Variants in CEP89 observed in about 807,000 individuals in gnomAD.
CEP89 encodes the protein centrosomal protein of 89 kDa.
In CEP89, 95 loss-of-function variants were observed where a neutral mutation model predicts 97.6. The observed-to-expected ratio is 0.97, with a 90% CI of 0.82 to 1.15. The LOEUF (loss-of-function observed/expected upper bound fraction) is 1.15, where lower values mean the gene tolerates loss of function less well. Ranked by LOEUF, CEP89 falls within the 50% of genes most tolerant of loss-of-function variation. The pLI, the probability that CEP89 is intolerant of heterozygous loss-of-function variation, is 0.00. For missense variants in CEP89, 869 were observed against 947.7 expected, an observed-to-expected ratio of 0.92 and a Z score of 1.09; for synonymous variants, 354 against 349.1, an observed-to-expected ratio of 1.01 and a Z score of -0.16.
chr19:32,914,443 A>AT (rs567475462), intron 14 of CEP89, among the ~76,000 whole-genome samples: 180 of 151,138 alleles, frequency 1.2e-3, no homozygotes, highest in African/African-American at 4.2e-3. Context: ...TATTATTATT[A>AT]TTTTTTTTGG....
intron 13 of CEP89, among the ~76,000 whole-genome samples, chr19:32,915,944 T>A (rs1415836057): frequency 1.4e-5 from 2 of 147,988 alleles, no homozygotes; most frequent in Non-Finnish European, 3.0e-5. Context: ...AAAAGATATT[T>A]TGGAGTGTTA....
chr19:32,927,795 G>C (rs1970392103), intron 9 of CEP89, among the ~76,000 whole-genome samples: 2 of 149,996 alleles, frequency 1.3e-5, no homozygotes, highest in Admixed American at 1.3e-4. Context: ...TGTAGAAATG[G>C]GGTTTCACCA....
chr19:32,922,756 G>A lies in CEP89; in HGVS notation c.1268+683C>T, dbSNP rs112166582. On this transcript the variant is annotated intron_variant, in intron 12 of 18. Coordinates refer to ENST00000305768, the MANE Select transcript of CEP89 (RefSeq NM_032816.5). ...CCAGCTACTCAGGAGGCTGAGGCAG[G>A]AGAATCGCTTGAATCCAGGAAGCAG... Among the ~76,000 whole-genome samples the A allele has an allele frequency of 4.6e-3, 701 of 151,948 alleles. 6 individuals carry two copies. The highest frequency in any genetic ancestry group is 0.016 in the African/African-American group (650 of 41,460).
intron 14 of CEP89, among the ~76,000 whole-genome samples, chr19:32,910,300 A>C (rs1373653720): frequency 1.1e-5 from 1 of 87,292 alleles, no homozygotes; most frequent in Non-Finnish European, 2.4e-5. Flanking sequence ...CGAGAGAGAG[A>C]GGGAGGGAGG....
Position 32,923,529 on chromosome 19 carries a change from A to G in CEP89, c.1178T>C (p.Met393Thr), listed in dbSNP as rs754834740. Residue 393 changes from methionine to threonine, a missense_variant, in exon 12 of 19, where the codon ATG (methionine) becomes ACG (threonine). Transcript: ENST00000305768. The stretch of plus-strand genomic sequence containing the variant: ...CACTTCTTGGACTCGCATCCTAAAC[A>G]TTCTCATTTCCTCCTGAAATAAAAT... ...LNATLKEEMR[M>T]FRMRVQEVVK... 2 of 1,591,514 alleles carry G rather than the reference A, an allele frequency of 1.3e-6. No individual in the cohort carries two copies. The highest frequency in any genetic ancestry group is 2.2e-5 in the East Asian group (1 of 44,670).
intron 12 of CEP89, 78 bp from the exon 13 acceptor site, chr19:32,918,417 A>G: frequency 9.9e-7 from 1 of 1,008,280 alleles, no homozygotes; most frequent in Non-Finnish European, 1.6e-6. Context: ...TCTAAAAGGA[A>G]GCAATGGCTG....
chr19:32,960,072 C>T lies in CEP89; in HGVS notation c.147-14G>A, dbSNP rs141498507. On this transcript the variant is annotated splice_polypyrimidine_tract_variant and intron_variant, in intron 2 of 18. Coordinates refer to ENST00000305768, the MANE Select transcript of CEP89 (RefSeq NM_032816.5). ...GCCAGAGCAGATCTGCGGACAAAAA[C>T]ATCCCATGGAGACAGTGAGACATGA... The T allele has an allele frequency of 2.1e-4, 333 of 1,613,892 alleles. No individual in the cohort carries two copies. In the African/African-American group the frequency reaches 4.1e-3, roughly 20 times the overall value.
chr19:32,879,884 T>C (rs1969244408), intron 18 of CEP89, among the ~76,000 whole-genome samples: 1 of 152,052 alleles, frequency 6.6e-6, no homozygotes, highest in Non-Finnish European at 1.5e-5. Flanking sequence ...GGTCTTCCGC[T>C]CCATACAGCC....
At chr19:32,902,046 ATG>A (rs1188192337) in intron 14 of CEP89, among the ~76,000 whole-genome samples, 655 of 59,134 alleles carry the variant, frequency 0.011, 6 homozygotes, top group African/African-American at 0.038. Flanking sequence ...GTGTGTGTGT[ATG>A]TGTGTGTATA....
intron 16 of CEP89, among the ~76,000 whole-genome samples, chr19:32,899,137 T>TC (rs1969708747): frequency 6.6e-6 from 1 of 151,772 alleles, no homozygotes; most frequent in East Asian, 1.9e-4. Flanking sequence ...TAGCATTTTT[T>TC]TTTTTTTTTT....
In CEP89 at chr19:32,931,618, T is replaced by G. The variant is rs2145928601; in HGVS notation, c.887-47A>C. The G allele has an allele frequency of 2.8e-6, 4 of 1,433,226 alleles. No homozygotes were observed. In the East Asian group the frequency reaches 9.9e-5, roughly 36 times the overall value. 88.8% of individuals were successfully genotyped at this position (1,433,226 alleles called of 1,614,324 possible). A position where few individuals can be genotyped will look rare whatever the true frequency, so the allele number is the denominator to read the frequency against. On this transcript the variant is annotated intron_variant, in intron 8 of 18. Transcript: ENST00000305768. ...TATACTATAAGAAATAACATCCAAT[T>G]TATCCAGATTTTATTAAATTGCAAA...
chr19:32,917,561 T>C (rs1022356171), intron 13 of CEP89, among the ~76,000 whole-genome samples: 2 of 152,240 alleles, frequency 1.3e-5, no homozygotes, highest in Non-Finnish European at 2.9e-5. Context: ...GCCTATGCCA[T>C]TCTTCACTAA....
chr19:32,915,466 T>A lies in CEP89; in HGVS notation c.1436A>T (p.Gln479Leu), dbSNP rs775482666. Residue 479 changes from glutamine to leucine, a missense_variant, in exon 14 of 19, where the codon CAG (glutamine) becomes CTG (leucine). Transcript: ENST00000305768. ...CCTGTTCTCCGCCAGCTCCTTTTCC[T>A]GGCCGTGGGTTTTTGCCTCCAGGAG... Reference protein sequence around the residue: ...LMLLEAKTHGQEKELAENREQ... With the variant: ...LMLLEAKTHGLEKELAENREQ... 1.2e-5 allele frequency: 20 copies of A among 1,613,262 alleles called. No individual in the cohort carries two copies. The East Asian group carries it at 4.2e-4, about 34-fold the overall frequency.
chr19:32,902,922 G>A (rs1969812553), intron 14 of CEP89, among the ~76,000 whole-genome samples: 1 of 152,198 alleles, frequency 6.6e-6, no homozygotes, highest in Non-Finnish European at 1.5e-5. Flanking sequence ...AGAATGGAAA[G>A]GCCTTATAAT....
rs60580377 is a variant in CEP89 at position 32,951,534 on chromosome 19, TACAC to T, written c.492+2077_492+2080del. Among the ~76,000 whole-genome samples the T allele has an allele frequency of 6.5e-3, 795 of 121,992 alleles. 6 individuals carry two copies. The highest frequency in any genetic ancestry group is 0.014 in the Admixed American group (171 of 12,240). 80.0% of individuals were successfully genotyped at this position (121,992 alleles called of 152,430 possible). ...AATTATATATATATATATATATATA[TACAC>T]ACACACACACACACACACACACACA... On this transcript the variant is annotated intron_variant, in intron 4 of 18. Coordinates refer to ENST00000305768, the MANE Select transcript of CEP89 (RefSeq NM_032816.5).
At chr19:32,910,265 C>CAGAG (rs71336978) in intron 14 of CEP89, among the ~76,000 whole-genome samples, 48,840 of 138,830 alleles carry the variant, frequency 0.35, 9,022 homozygotes, top group Non-Finnish European at 0.4. Flanking sequence ...GACTCTGCCT[C>CAGAG]AGAGAGAGAG....
intron 5 of CEP89, among the ~76,000 whole-genome samples, chr19:32,945,543 C>G (rs1308243069): frequency 4.6e-5 from 7 of 152,184 alleles, no homozygotes; most frequent in Admixed American, 4.6e-4. Context: ...GCATTTCCAC[C>G]CAGCCAGTTG....
chr19:32,890,724 G>A (rs1969497138), intron 16 of CEP89, among the ~76,000 whole-genome samples: 1 of 152,086 alleles, frequency 6.6e-6, no homozygotes. Context: ...CCAGCCCCAG[G>A]GGAGCCCCTC....
At chr19:32,883,044 A>C (rs1369179816) in intron 17 of CEP89, among the ~76,000 whole-genome samples, 1 of 151,714 alleles carries the variant, frequency 6.6e-6, no homozygotes, top group Non-Finnish European at 1.5e-5. Context: ...TATTTTTTTT[A>C]ATAGAGATGG....
Sources: gnomAD v4.1 joint callset for allele counts (sites outside exome capture counted in the v4.1 genomes callset) on GRCh38, gnomAD v4.1.1 for gene constraint, MANE v1.5 for transcripts, NCBI Gene and HGNC (gene_info 2026-07-23, HGNC 2026-07-21) for gene names.